Variants in TMTC2 observed in about 807,000 individuals in gnomAD.
The protein encoded by TMTC2 is protein O-mannosyl-transferase TMTC2.
In TMTC2, 43 loss-of-function variants were observed where a neutral mutation model predicts 82.4. That is an observed-to-expected ratio of 0.52 (90% CI 0.41 to 0.67). The LOEUF (loss-of-function observed/expected upper bound fraction) is 0.67. TMTC2 is among the 30% of genes least tolerant of loss of function. The pLI is 0.00. For missense variants in TMTC2, 919 were observed against 1,012.4 expected (o/e 0.91, Z 1.25); for synonymous variants, 408 against 381.9 (o/e 1.07, Z -0.80).
chr12:82,943,551 C>G (rs1201256484), intron 4 of TMTC2, among the ~76,000 whole-genome samples: 3 of 152,174 alleles, frequency 2.0e-5, no homozygotes, highest in Non-Finnish European at 4.4e-5. Flanking sequence ...CACTCCTGTT[C>G]TCTGATTCAC....
rs759948325 is a variant in TMTC2, at chr12:82,975,244, G to A, written c.1948+8247G>A. Among the ~76,000 whole-genome samples, 3 of 152,228 alleles carry A rather than the reference G, an allele frequency of 2.0e-5. No individual in the cohort carries two copies. In the South Asian group the frequency reaches 6.2e-4, roughly 32 times the overall value. On this transcript the variant is annotated intron_variant, in intron 7 of 11. Transcript: ENST00000321196. ...TTGAAAATTCAGTGCATTACTAATT[G>A]TATGTATTTTGCTGTGTACTCAAGT... is the stretch of plus-strand genomic sequence containing the variant.
chr12:82,752,467 C>T (rs1349606514), intron 1 of TMTC2, among the ~76,000 whole-genome samples: 1 of 152,060 alleles, frequency 6.6e-6, no homozygotes, highest in Non-Finnish European at 1.5e-5. Flanking sequence ...GCCTGGGCGA[C>T]AGAGCGAGAC....
In TMTC2 at chr12:83,132,318, A is replaced by G. The variant is rs751289078; in HGVS notation, c.2440A>G (p.Ile814Val). The G allele has an allele frequency of 1.9e-6, 3 of 1,613,992 alleles. No homozygotes were observed. The highest frequency in any genetic ancestry group is 1.3e-5 in the African/African-American group (1 of 74,926). Residue 814 changes from isoleucine to valine, a missense_variant, in exon 12 of 12, where the codon ATC (isoleucine) becomes GTC (valine). By Grantham distance (29) the Ile-to-Val change is conservative. Transcript: ENST00000321196. ...RALQLKPDDV[I>V]TQSNLRKLWN... ...CCTGCAGCTCAAGCCAGACGATGTC[A>G]TCACACAGTCCAATCTCCGCAAACT... is the stretch of plus-strand genomic sequence containing the variant.
chr12:82,951,847 C>G (rs909954976), intron 4 of TMTC2, among the ~76,000 whole-genome samples: 1 of 152,022 alleles, frequency 6.6e-6, no homozygotes, highest in Non-Finnish European at 1.5e-5. Flanking sequence ...ATCCAAAACA[C>G]TCTTAGTTAA....
intron 1 of TMTC2, among the ~76,000 whole-genome samples, chr12:82,719,078 TATA>T (rs1874051426): frequency 1.2e-3 from 83 of 71,722 alleles, no homozygotes; most frequent in Admixed American, 0.011. Flanking sequence ...TATATATATA[TATA>T]TATATTTTTT....
chr12:82,792,454 T>TTTTGTTTG (rs575571353), intron 1 of TMTC2, among the ~76,000 whole-genome samples: 4 of 151,760 alleles, frequency 2.6e-5, no homozygotes, highest in African/African-American at 2.4e-5. Context: ...CTCAATGGTT[T>TTTTGTTTG]TTTGTTTGTT....
chr12:82,881,888 G>T (rs1018555719), intron 2 of TMTC2, among the ~76,000 whole-genome samples: 2 of 151,686 alleles, frequency 1.3e-5, no homozygotes. Flanking sequence ...AACCATCAGA[G>T]TAATAAGATA....
chr12:83,123,132 A>G (rs1308504217), intron 11 of TMTC2, among the ~76,000 whole-genome samples: 1 of 152,218 alleles, frequency 6.6e-6, no homozygotes, highest in Non-Finnish European at 1.5e-5. Flanking sequence ...TGTGACAATC[A>G]CACCCATCAT....
chr12:83,086,001 G>A (rs1276289676), intron 11 of TMTC2, among the ~76,000 whole-genome samples: 2 of 151,926 alleles, frequency 1.3e-5, no homozygotes, highest in African/African-American at 2.4e-5. Context: ...TGCACATCAC[G>A]AATTGCCTAG....
intron 8 of TMTC2, among the ~76,000 whole-genome samples, chr12:83,003,112 G>A (rs1034973205): frequency 3.3e-5 from 5 of 152,056 alleles, no homozygotes; most frequent in African/African-American, 1.2e-4. Context: ...TATTTGCTAT[G>A]TATATATTTA....
intron 1 of TMTC2, among the ~76,000 whole-genome samples, chr12:82,750,733 T>G (rs1261491953): frequency 1.3e-5 from 2 of 152,126 alleles, no homozygotes; most frequent in Non-Finnish European, 2.9e-5. Context: ...TTTTTCTAAT[T>G]CCTCCCCAAA....
At chr12:82,878,370 T>G (rs1182196522) in intron 2 of TMTC2, among the ~76,000 whole-genome samples, 1 of 152,232 alleles carries the variant, frequency 6.6e-6, no homozygotes, top group East Asian at 1.9e-4. Flanking sequence ...ATCTTTCATA[T>G]GTGATACAAG....
intron 1 of TMTC2, among the ~76,000 whole-genome samples, chr12:82,726,519 G>A (rs1176242327): frequency 2.6e-5 from 4 of 152,138 alleles, no homozygotes; most frequent in Admixed American, 2.6e-4. Flanking sequence ...TTATTTGCAT[G>A]TTTTACAAAT....
chr12:82,935,278 A>C (rs1359197528), intron 4 of TMTC2, among the ~76,000 whole-genome samples: 1 of 152,180 alleles, frequency 6.6e-6, no homozygotes, highest in Non-Finnish European at 1.5e-5. Flanking sequence ...ATATAATATG[A>C]AATTTAAACA....
chr12:82,735,339 A>G (rs1875028872), intron 1 of TMTC2, among the ~76,000 whole-genome samples: 2 of 105,112 alleles, frequency 1.9e-5, no homozygotes, highest in Admixed American at 2.7e-4. Context: ...AGTTTTATAC[A>G]TTAATTTTGA....
At chr12:82,691,307 T>G (rs56298822) in intron 1 of TMTC2, among the ~76,000 whole-genome samples, 16,562 of 152,200 alleles carry the variant, frequency 0.11, 1,051 homozygotes, top group East Asian at 0.23. Context: ...GTAGATCTCT[T>G]AGCTATTCCA....
chr12:82,829,884 G>A (rs1869656096), intron 1 of TMTC2, among the ~76,000 whole-genome samples: 1 of 152,144 alleles, frequency 6.6e-6, no homozygotes, highest in Admixed American at 6.6e-5. Flanking sequence ...AAGGTACAGA[G>A]GGAGGTAAGA....
At chr12:82,763,913 A>T (rs1008790873) in intron 1 of TMTC2, among the ~76,000 whole-genome samples, 1 of 152,184 alleles carries the variant, frequency 6.6e-6, no homozygotes, top group Non-Finnish European at 1.5e-5. Context: ...AATACAGCTT[A>T]AAAAAAGAAA....
intron 7 of TMTC2, 77 bp from the exon 8 acceptor site, chr12:82,985,848 A>G: frequency 6.5e-7 from 1 of 1,535,472 alleles, no homozygotes; most frequent in South Asian, 1.2e-5. Flanking sequence ...TATGATGATG[A>G]TGATGATGAT....
Sources: gnomAD v4.1 joint callset for allele counts (sites outside exome capture counted in the v4.1 genomes callset) on GRCh38, gnomAD v4.1.1 for gene constraint, MANE v1.5 for transcripts, NCBI Gene and HGNC (gene_info 2026-07-23, HGNC 2026-07-21) for gene names.